Variants in CUBN observed in about 807,000 individuals in gnomAD.
The protein encoded by CUBN is 460 kDa receptor.
In CUBN, 282 loss-of-function variants were observed where a neutral mutation model predicts 405.3. The observed-to-expected ratio is 0.70, with a 90% CI of 0.63 to 0.77. The LOEUF is 0.77. CUBN is among the 30% of genes least tolerant of loss of function. CUBN has a pLI of 0.00. For missense variants in CUBN, 4,514 were observed against 4,475.2 expected (o/e 1.01, Z -0.25); for synonymous variants, 1,684 against 1,617.0 (o/e 1.04, Z -0.99).
At chr10:16,898,498 A>C (rs1841259630) in intron 54 of CUBN, among the ~76,000 whole-genome samples, 1 of 152,224 alleles carries the variant, frequency 6.6e-6, no homozygotes. Flanking sequence ...TGGAAGATGC[A>C]AAACAGTACA....
chr10:17,107,487 AGTT>A (rs1836661143), intron 10 of CUBN, among the ~76,000 whole-genome samples: 1 of 143,574 alleles, frequency 7.0e-6, no homozygotes, highest in African/African-American at 2.6e-5. Flanking sequence ...TGACAATATA[AGTT>A]GTTCTTTTTT....
At chr10:16,913,541 C>T (rs576334103) in intron 48 of CUBN, among the ~76,000 whole-genome samples, 72 of 152,312 alleles carry the variant, frequency 4.7e-4, no homozygotes, top group African/African-American at 1.6e-3. Flanking sequence ...ACAGCCTCTC[C>T]GGTTTTGCCA....
Position 17,004,281 on chromosome 10 carries a change from G to A in CUBN, c.4169-13766C>T, listed in dbSNP as rs936724653. Among the ~76,000 whole-genome samples, 4 of 152,286 alleles carry A rather than the reference G, an allele frequency of 2.6e-5. No homozygotes were observed. The Middle Eastern group carries it at 0.01, about 388-fold the overall frequency. ...GCTCAGCTTGAAGACAAAGACTAAC[G>A]TGGTATTTCTTTCATATGCCTAAAA... On this transcript the variant is annotated intron_variant, in intron 28 of 66. Coordinates refer to ENST00000377833, the MANE Select transcript of CUBN (RefSeq NM_001081.4).
At chr10:16,831,523 C>G in intron 64 of CUBN, 106 bp from the exon 65 acceptor site, 1 of 1,040,844 alleles carries the variant, frequency 9.6e-7, no homozygotes, top group Non-Finnish European at 1.5e-6. Flanking sequence ...AAAGCTTTGT[C>G]TTTTTATACA....
Position 16,937,790 on chromosome 10 carries a change from C to T in CUBN, c.5734-6G>A, listed in dbSNP as rs1466354085. 2.5e-6 allele frequency: 4 copies of T among 1,612,400 alleles called. No individual in the cohort carries two copies. The South Asian group carries it at 4.4e-5, about 18-fold the overall frequency. On this transcript the variant is annotated splice_region_variant and splice_polypyrimidine_tract_variant and intron_variant, in intron 38 of 66. Coordinates refer to ENST00000377833, the MANE Select transcript of CUBN (RefSeq NM_001081.4). ...ATGCTAGGCCCATCATAGATCTGTA[C>T]ATAAAAACAGATAATAGAGCATTGT...
chr10:17,062,772 C>T (rs1835530372), intron 22 of CUBN, among the ~76,000 whole-genome samples: 1 of 152,196 alleles, frequency 6.6e-6, no homozygotes, highest in Admixed American at 6.5e-5. Flanking sequence ...AGAAAGACTT[C>T]AGCAGGCAAA....
rs1836090095 is a variant in CUBN at position 17,085,657 on chromosome 10, A to C, written c.2050T>G (p.Phe684Val). ...QTTGPFARIH[F>V]HSDSQISDQG... ...TCACTAATCTGGGAGTCTGAATGGA[A>C]GTGAATTCTGGCAAAGGGGCCAGTA... The change falls in exon 16 of 67, where the codon TTC (phenylalanine) becomes GTC (valine). Residue 684 changes from phenylalanine to valine, a missense_variant. Coordinates refer to ENST00000377833, the MANE Select transcript of CUBN (RefSeq NM_001081.4). 3.1e-6 allele frequency: 5 copies of C among 1,614,122 alleles called. No homozygotes were observed.
At position 17,058,366 on chromosome 10, in the gene CUBN, C is replaced by T. The variant is rs561580700; in HGVS notation, c.3139+7142G>A. Among the ~76,000 whole-genome samples the T allele has an allele frequency of 2.0e-4, 30 of 151,896 alleles. No individual in the cohort carries two copies. The South Asian group carries it at 5.6e-3, about 29-fold the overall frequency. On this transcript the variant is annotated intron_variant, in intron 22 of 66. Transcript: ENST00000377833. ...ATTCTGAAAATTATGGATAAATTTA[C>T]TGAAATTACAGGGAAAAATCCATAT...
At chr10:16,989,531 T>C (rs1322250091) in intron 29 of CUBN, among the ~76,000 whole-genome samples, 4 of 148,094 alleles carry the variant, frequency 2.7e-5, no homozygotes, top group African/African-American at 7.4e-5. Flanking sequence ...TAATGAATTA[T>C]ATAATTTTAT....
chr10:16,858,124 G>A (rs745440854), intron 59 of CUBN, among the ~76,000 whole-genome samples: 28 of 151,966 alleles, frequency 1.8e-4, no homozygotes, highest in Non-Finnish European at 3.4e-4. Context: ...CTTATGTGAT[G>A]AAAATTACAA....
At chr10:17,068,794 A>G (rs1835671374) in intron 19 of CUBN, 24 bp from the exon 20 acceptor site, 2 of 1,577,056 alleles carry the variant, frequency 1.3e-6, no homozygotes, top group Admixed American at 3.4e-5. Context: ...AGATATGTTC[A>G]AATATGTTGT....
chr10:16,966,045 G>A, intron 31 of CUBN: 1 of 468,132 alleles, frequency 2.1e-6, no homozygotes, highest in South Asian at 1.6e-5. Flanking sequence ...ATTCTGTGAA[G>A]CTAAGTGAGA....
chr10:17,065,131 C>T (rs866134800), intron 22 of CUBN, among the ~76,000 whole-genome samples: 4 of 5,626 alleles, frequency 7.1e-4, no homozygotes, highest in Non-Finnish European at 1.5e-3. Flanking sequence ...TCTCTCTCTC[C>T]CCCCCCCCCC....
chr10:17,005,573 C>T (rs1054906748), intron 28 of CUBN, among the ~76,000 whole-genome samples: 3 of 152,198 alleles, frequency 2.0e-5, no homozygotes, highest in Non-Finnish European at 2.9e-5. Context: ...TTTGTCTGAT[C>T]AATTCTTGCC....
chr10:16,992,445 T>A (rs1242645747), intron 28 of CUBN, among the ~76,000 whole-genome samples: 2 of 152,174 alleles, frequency 1.3e-5, no homozygotes, highest in Non-Finnish European at 2.9e-5. Context: ...TGAGTAAACG[T>A]GCATTTTTCA....
rs1479081619 is a variant in CUBN at position 16,933,288 on chromosome 10, T to C, written c.5927-4A>G. On this transcript the variant is annotated splice_region_variant and splice_polypyrimidine_tract_variant and intron_variant, in intron 39 of 66. Transcript: ENST00000377833. Reference sequence around the variant, plus strand: ...CTCAGGAAGCCACCACAAGCACCTGTAGAATAGAAAGCAACATCTTTGACA... The same window carrying C: ...CTCAGGAAGCCACCACAAGCACCTGCAGAATAGAAAGCAACATCTTTGACA... 10 of 1,612,896 alleles carry C rather than the reference T, an allele frequency of 6.2e-6. No homozygotes were observed. Among genetic ancestry groups the C allele is most frequent in the Admixed American group, 3.3e-5 (2 of 59,976 alleles).
chr10:16,844,116 G>A (rs567477276), intron 60 of CUBN, among the ~76,000 whole-genome samples: 6 of 152,016 alleles, frequency 3.9e-5, no homozygotes, highest in African/African-American at 9.6e-5. Context: ...TTAAAAATAC[G>A]AAATTAGCCA....
At chr10:16,829,749 G>C (rs1172952539) in intron 65 of CUBN, among the ~76,000 whole-genome samples, 1 of 152,082 alleles carries the variant, frequency 6.6e-6, no homozygotes, top group Non-Finnish European at 1.5e-5. Flanking sequence ...TGACCACTGA[G>C]GTCTAATCTC....
At chr10:17,045,857 A>G in intron 24 of CUBN, 77 bp downstream of exon 24, 1 of 1,443,566 alleles carries the variant, frequency 6.9e-7, no homozygotes, top group Non-Finnish European at 9.7e-7. Context: ...CAAGTGAGGG[A>G]CAGAGCATGA....
Sources: gnomAD v4.1 joint callset for allele counts (sites outside exome capture counted in the v4.1 genomes callset) on GRCh38, gnomAD v4.1.1 for gene constraint, MANE v1.5 for transcripts, NCBI Gene and HGNC (gene_info 2026-07-23, HGNC 2026-07-21) for gene names.